CLC: variants seen among roughly 807,000 people sequenced by gnomAD.
CLC encodes galectin-10.
In CLC, 15 loss-of-function variants were observed where a neutral mutation model predicts 13.9. The observed-to-expected ratio is 1.08, with a 90% CI of 0.72 to 1.66. The LOEUF (loss-of-function observed/expected upper bound fraction) is 1.66, where lower values mean the gene tolerates loss of function less well. Ranked by LOEUF, CLC falls within the 40% of genes most tolerant of loss-of-function variation. The probability of loss-of-function intolerance (pLI) is 0.00; values close to 1 mark genes in which losing one functional copy is unlikely to be tolerated. For missense variants in CLC, 161 were observed against 169.1 expected, an observed-to-expected ratio of 0.95 and a Z score of 0.27; for synonymous variants, 68 against 59.9, an observed-to-expected ratio of 1.14 and a Z score of -0.63.
At chr19:39,731,620 T>C in intron 3 of CLC, 115 bp from the exon 4 acceptor site, 3 of 1,068,732 alleles carry the variant, frequency 2.8e-6, no homozygotes, top group Non-Finnish European at 4.0e-6. Flanking sequence ...CCTCATTATA[T>C]ATCTGAACCC....
intron 1 of CLC, among the ~76,000 whole-genome samples, chr19:39,737,546 C>T (rs1308831037): frequency 6.6e-6 from 1 of 151,996 alleles, no homozygotes; most frequent in Non-Finnish European, 1.5e-5. Context: ...TAAAGATGCT[C>T]ATGCACTGGT....
Position 39,737,919 on chromosome 19 carries a change from CTG to C in CLC, c.15+17_15+18del, listed in dbSNP as rs1967338785. ...CTGTGTGACCTGAGATTATTGAAGG[CTG>C]TGCCTTTTTAACTCACGGGTAGCAG... On this transcript the variant is annotated intron_variant, in intron 1 of 3. Transcript: ENST00000221804. The C allele has an allele frequency of 6.2e-7, 1 of 1,611,236 alleles. No homozygotes were observed. Among genetic ancestry groups the C allele is most frequent in the Middle Eastern group, 1.7e-4 (1 of 6,032 alleles).
Position 39,736,969 on chromosome 19 carries a change from C to T in CLC, c.15+969G>A, listed in dbSNP as rs115273683. 8.0e-3 allele frequency among the ~76,000 whole-genome samples: 1,222 copies of T among 152,180 alleles called. 12 individuals carry two copies. Among genetic ancestry groups the T allele is most frequent in the African/African-American group, 0.028 (1,155 of 41,514 alleles). ...CTGGCCTGACATGGGCCTTTCAATTCGGCCACCCAAAGTGCTGAGACTACA... is the reference window on the plus strand; with the variant it reads ...CTGGCCTGACATGGGCCTTTCAATTTGGCCACCCAAAGTGCTGAGACTACA... On this transcript the variant is annotated intron_variant, in intron 1 of 3. Transcript: ENST00000221804.
intron 1 of CLC, among the ~76,000 whole-genome samples, chr19:39,735,538 G>A (rs1356237727): frequency 6.6e-6 from 1 of 152,102 alleles, no homozygotes; most frequent in Non-Finnish European, 1.5e-5. Context: ...CTGGTCTGGA[G>A]CATCTAGGCT....
At chr19:39,731,925 T>A (rs1348493539) in intron 3 of CLC, among the ~76,000 whole-genome samples, 1 of 152,212 alleles carries the variant, frequency 6.6e-6, no homozygotes, top group Non-Finnish European at 1.5e-5. Context: ...TTGCTGCTGA[T>A]GACCCAGTTT....
intron 1 of CLC, 62 bp from the exon 2 acceptor site, chr19:39,735,135 C>G: frequency 1.7e-6 from 2 of 1,178,228 alleles, no homozygotes; most frequent in South Asian, 1.2e-5. Context: ...CCTCCTGTAA[C>G]AGATTCCCAT....
chr19:39,737,819 C>G, intron 1 of CLC, 119 bp downstream of exon 1: 1 of 1,075,662 alleles, frequency 9.3e-7, no homozygotes, highest in Non-Finnish European at 1.4e-6. Context: ...CTTCCACACA[C>G]CCACAACTCT....
intron 1 of CLC, among the ~76,000 whole-genome samples, chr19:39,737,654 C>T (rs763829256): frequency 6.6e-6 from 1 of 152,038 alleles, no homozygotes; most frequent in African/African-American, 2.4e-5. Flanking sequence ...TCCTGGAGGG[C>T]CATACACATC....
At chr19:39,732,188 G>A (rs1474059063) in intron 3 of CLC, among the ~76,000 whole-genome samples, 2 of 107,302 alleles carry the variant, frequency 1.9e-5, no homozygotes, top group Non-Finnish European at 3.9e-5. Flanking sequence ...CCACTAACTC[G>A]TCATCTAGCA....
At position 39,731,272 on chromosome 19, in the gene CLC, T is replaced by C; in HGVS notation, c.*108A>G. On this transcript the variant is annotated 3_prime_UTR_variant, in exon 4 of 4. Coordinates refer to ENST00000221804, the MANE Select transcript of CLC (RefSeq NM_001828.6). ...AAATTCTGTGAAGTTTGATTAAGTT[T>C]TAATGAGCAGGAGTAAGGATTGAAG... 8.1e-7 allele frequency: 1 copy of C among 1,240,510 alleles called. No homozygotes were observed. 76.8% of individuals were successfully genotyped at this position (1,240,510 alleles called of 1,614,324 possible).
chr19:39,734,106 G>A (rs1967269314), intron 3 of CLC, 177 bp downstream of exon 3: 6 of 980,584 alleles, frequency 6.1e-6, no homozygotes, highest in Non-Finnish European at 7.3e-6. Context: ...CCCTGTGTGT[G>A]TGATAAAAAG....
At chr19:39,735,685 C>T (rs895218989) in intron 1 of CLC, among the ~76,000 whole-genome samples, 1 of 152,092 alleles carries the variant, frequency 6.6e-6, no homozygotes, top group East Asian at 1.9e-4. Flanking sequence ...GATGATAATC[C>T]GAAATACCTA....
chr19:39,737,349 C>T (rs1017457310), intron 1 of CLC, among the ~76,000 whole-genome samples: 2 of 151,846 alleles, frequency 1.3e-5, no homozygotes, highest in African/African-American at 4.8e-5. Flanking sequence ...GTTCTGTCAC[C>T]GGGGATCCAC....
intron 1 of CLC, among the ~76,000 whole-genome samples, chr19:39,736,711 G>T (rs1245176436): frequency 6.6e-6 from 1 of 151,514 alleles, no homozygotes; most frequent in East Asian, 1.9e-4. Context: ...GGAGGTGGAG[G>T]TTGCAGTGAG....
At chr19:39,734,000 A>G in intron 3 of CLC, 1 of 985,292 alleles carries the variant, frequency 1.0e-6, no homozygotes, top group Non-Finnish European at 1.2e-6. Context: ...CAGGTATGGG[A>G]AAAGAGCTGA....
intron 1 of CLC, among the ~76,000 whole-genome samples, chr19:39,736,716 A>C (rs1489620661): frequency 6.6e-6 from 1 of 151,198 alleles, no homozygotes; most frequent in African/African-American, 2.4e-5. Flanking sequence ...TGGAGGTTGC[A>C]GTGAGCCGAG....
At chr19:39,734,784 C>A (rs1339804879) in intron 2 of CLC, among the ~76,000 whole-genome samples, 2 of 152,100 alleles carry the variant, frequency 1.3e-5, no homozygotes, top group African/African-American at 4.8e-5. Context: ...AGCCCCAAGC[C>A]TTGAGTGTCC....
rs1243378621 is a variant in CLC, at chr19:39,732,380, A to G, written c.304-875T>C. Among the ~76,000 whole-genome samples, 9 of 86,290 alleles carry G rather than the reference A, an allele frequency of 1.0e-4. 1 individual carries two copies. Among genetic ancestry groups the G allele is most frequent in the African/African-American group, 5.0e-4 (9 of 17,922 alleles). 56.6% of individuals were successfully genotyped at this position (86,290 alleles called of 152,430 possible). A position where few individuals can be genotyped will look rare whatever the true frequency, so the allele number is the denominator to read the frequency against. On this transcript the variant is annotated intron_variant, in intron 3 of 3. Transcript: ENST00000221804. ...AGTTTACTGAGAATGATGATTTCCA[A>G]TTTCATCCATGTCCCTACAAAGGAC... is the stretch of plus-strand genomic sequence containing the variant.
intron 3 of CLC, chr19:39,733,899 C>T: frequency 1.0e-6 from 1 of 979,332 alleles, no homozygotes; most frequent in Non-Finnish European, 1.2e-6. Context: ...ATCCATTTAG[C>T]TACATGAAAA....
Sources: gnomAD v4.1 joint callset for allele counts (sites outside exome capture counted in the v4.1 genomes callset) on GRCh38, gnomAD v4.1.1 for gene constraint, MANE v1.5 for transcripts, NCBI Gene and HGNC (gene_info 2026-07-23, HGNC 2026-07-21) for gene names.